Variants in CSMD1 observed in about 807,000 individuals in gnomAD.
The protein encoded by CSMD1 is CUB and Sushi multiple domains 1.
CSMD1 carries 213 observed loss-of-function variants against 417.5 expected under a neutral mutation model. That is an observed-to-expected ratio of 0.51 (90% CI 0.46 to 0.57). The LOEUF (loss-of-function observed/expected upper bound fraction) is 0.57, where lower values mean the gene tolerates loss of function less well. CSMD1 is among the 20% of genes least tolerant of loss of function. The pLI, the probability that CSMD1 is intolerant of heterozygous loss-of-function variation, is 0.00. For missense variants in CSMD1, 6,923 were observed against 4,529.7 expected, an observed-to-expected ratio of 1.53 and a Z score of -15.17; for synonymous variants, 2,862 against 1,736.8, an observed-to-expected ratio of 1.65 and a Z score of -16.11.
intron 1 of CSMD1, among the ~76,000 whole-genome samples, chr8:4,775,877 C>T (rs532018453): frequency 6.6e-6 from 1 of 152,226 alleles, no homozygotes; most frequent in East Asian, 1.9e-4. Flanking sequence ...TACCATAGGA[C>T]AGAAAAGGCA....
intron 21 of CSMD1, among the ~76,000 whole-genome samples, chr8:3,351,907 T>C (rs1808451350): frequency 1.3e-5 from 2 of 152,100 alleles, no homozygotes; most frequent in Non-Finnish European, 2.9e-5. Flanking sequence ...ATTATGACTT[T>C]TACATCTTTT....
chr8:4,312,597 C>T (rs1488386845), intron 3 of CSMD1, among the ~76,000 whole-genome samples: 1 of 149,996 alleles, frequency 6.7e-6, no homozygotes, highest in Non-Finnish European at 1.5e-5. Flanking sequence ...AAGTTGTTGG[C>T]CAGGCACAGT....
intron 19 of CSMD1, 139 bp downstream of exon 19, chr8:3,369,115 A>C (rs1391440417): frequency 1.9e-6 from 1 of 537,576 alleles, no homozygotes; most frequent in African/African-American, 1.9e-5. Context: ...ATCTTATTAA[A>C]TAATAAGTTA....
At chr8:3,020,376 T>C (rs1185248879) in intron 51 of CSMD1, among the ~76,000 whole-genome samples, 2 of 152,070 alleles carry the variant, frequency 1.3e-5, no homozygotes, top group Non-Finnish European at 2.9e-5. Flanking sequence ...CCTTTTGTTG[T>C]TGTTTATGTA....
chr8:4,979,159 T>TG (rs1810733008), intron 1 of CSMD1, among the ~76,000 whole-genome samples: 1 of 152,194 alleles, frequency 6.6e-6, no homozygotes, highest in African/African-American at 2.4e-5. Flanking sequence ...CTAAATTTCA[T>TG]GTACAAGTTC....
intron 3 of CSMD1, among the ~76,000 whole-genome samples, chr8:4,040,279 A>G (rs1365592340): frequency 6.6e-6 from 1 of 152,236 alleles, no homozygotes; most frequent in African/African-American, 2.4e-5. Context: ...CTTGCACAAC[A>G]CACACTATGT....
intron 1 of CSMD1, among the ~76,000 whole-genome samples, chr8:4,665,067 T>C (rs1300926155): frequency 6.6e-6 from 1 of 152,196 alleles, no homozygotes; most frequent in Non-Finnish European, 1.5e-5. Context: ...GAAAAGGTAT[T>C]AGTTTCCCTT....
chr8:3,416,604 T>C (rs1236598741), intron 12 of CSMD1, among the ~76,000 whole-genome samples: 5 of 152,210 alleles, frequency 3.3e-5, no homozygotes, highest in Non-Finnish European at 5.9e-5. Flanking sequence ...TAGTCAACCA[T>C]GGGTGTCCCA....
intron 5 of CSMD1, among the ~76,000 whole-genome samples, chr8:3,940,750 A>T (rs1303362624): frequency 6.6e-6 from 1 of 151,812 alleles, no homozygotes; most frequent in Non-Finnish European, 1.5e-5. Flanking sequence ...CTTATTTTTC[A>T]AATTGTTTTG....
intron 10 of CSMD1, among the ~76,000 whole-genome samples, chr8:3,553,694 T>A (rs1799017203): frequency 6.6e-6 from 1 of 152,212 alleles, no homozygotes; most frequent in South Asian, 2.1e-4. Context: ...TTTTAGTAGG[T>A]CCATAGTTAC....
chr8:3,134,156 G>A (rs1251869177), intron 41 of CSMD1, among the ~76,000 whole-genome samples: 1 of 151,982 alleles, frequency 6.6e-6, no homozygotes, highest in Non-Finnish European at 1.5e-5. Flanking sequence ...TCTCGACAGA[G>A]TGAGACTCCA....
intron 3 of CSMD1, among the ~76,000 whole-genome samples, chr8:4,180,025 C>T (rs1245846002): frequency 6.6e-6 from 1 of 152,038 alleles, no homozygotes; most frequent in Non-Finnish European, 1.5e-5. Context: ...TGTGGCGATT[C>T]CTCAAGGACC....
intron 50 of CSMD1, among the ~76,000 whole-genome samples, chr8:3,041,324 T>C (rs1446578134): frequency 1.3e-5 from 2 of 152,190 alleles, no homozygotes; most frequent in African/African-American, 4.8e-5. Context: ...TATATTAATA[T>C]AGAACAAGCA....
intron 5 of CSMD1, among the ~76,000 whole-genome samples, chr8:3,896,310 A>G (rs1807360193): frequency 1.3e-5 from 2 of 152,132 alleles, no homozygotes; most frequent in South Asian, 4.1e-4. Context: ...AAATGCATAA[A>G]TGTATTTCCA....
intron 2 of CSMD1, among the ~76,000 whole-genome samples, chr8:4,448,574 C>G (rs1014642341): frequency 6.6e-6 from 1 of 152,158 alleles, no homozygotes; most frequent in African/African-American, 2.4e-5. Flanking sequence ...ATTTTTCCTT[C>G]CTGTATTGTG....
chr8:3,009,995 G>C (rs1480495060), intron 52 of CSMD1, among the ~76,000 whole-genome samples: 1 of 152,142 alleles, frequency 6.6e-6, no homozygotes, highest in African/African-American at 2.4e-5. Context: ...TGTAGTTCCT[G>C]AATATACCCC....
chr8:4,823,430 T>G (rs1467936938), intron 1 of CSMD1, among the ~76,000 whole-genome samples: 1 of 152,050 alleles, frequency 6.6e-6, no homozygotes, highest in Non-Finnish European at 1.5e-5. Flanking sequence ...CTACATAACC[T>G]TAGTTTCCTC....
intron 10 of CSMD1, among the ~76,000 whole-genome samples, chr8:3,521,685 G>C (rs1279343429): frequency 2.0e-5 from 3 of 152,116 alleles, no homozygotes; most frequent in Admixed American, 2.0e-4. Context: ...TGATGTTAAA[G>C]GTCATCAACC....
intron 5 of CSMD1, among the ~76,000 whole-genome samples, chr8:3,894,337 T>C (rs1807203737): frequency 6.6e-6 from 1 of 152,160 alleles, no homozygotes; most frequent in Non-Finnish European, 1.5e-5. Flanking sequence ...GCTCTGGATT[T>C]TTTCTATCAC....
Sources: gnomAD v4.1 joint callset for allele counts (sites outside exome capture counted in the v4.1 genomes callset) on GRCh38, gnomAD v4.1.1 for gene constraint, MANE v1.5 for transcripts, NCBI Gene and HGNC (gene_info 2026-07-23, HGNC 2026-07-21) for gene names.